The following UPP2 variants were observed in gnomAD, a reference collection of about 807,000 sequenced individuals.
UPP2 encodes the protein uridine phosphorylase 2, also known as UPase 2.
A neutral mutation model predicts 26.7 loss-of-function variants in UPP2; 23 were observed. That is an observed-to-expected ratio of 0.86 (90% CI 0.62 to 1.22). The LOEUF (loss-of-function observed/expected upper bound fraction) is 1.22, where lower values mean the gene tolerates loss of function less well. Ranked by LOEUF, UPP2 falls within the 50% of genes most tolerant of loss-of-function variation. UPP2 has a pLI of 0.00. For missense variants in UPP2, 387 were observed against 396.7 expected (o/e 0.98, Z 0.21); for synonymous variants, 127 against 141.3 (o/e 0.90, Z 0.72).
rs999808411 is a variant in UPP2, at chr2:158,004,540, G to C, written c.61+9281G>C. ...TTCAGTCTGTGAACAAACCCCTACA[G>C]GTCTGCTGCGACCAGTCACTATTCA... On this transcript the variant is annotated intron_variant, in intron 2 of 9. Transcript: ENST00000605860. Among the ~76,000 whole-genome samples, 26 of 152,150 alleles carry C rather than the reference G, an allele frequency of 1.7e-4. 1 individual carries two copies. Among genetic ancestry groups the C allele is most frequent in the Non-Finnish European group, 2.8e-4 (19 of 68,030 alleles).
chr2:158,073,032 G>A (rs1441304314), intron 3 of UPP2, among the ~76,000 whole-genome samples: 1 of 152,096 alleles, frequency 6.6e-6, no homozygotes, highest in African/African-American at 2.4e-5. Flanking sequence ...TGATCTTTCA[G>A]ACAGAGAATT....
chr2:157,999,722 T>C (rs972073310), intron 2 of UPP2, among the ~76,000 whole-genome samples: 1 of 152,202 alleles, frequency 6.6e-6, no homozygotes, highest in African/African-American at 2.4e-5. Context: ...CCTGACTCTA[T>C]GTAGGCCTGC....
intron 3 of UPP2, among the ~76,000 whole-genome samples, chr2:158,032,231 A>C (rs1436075376): frequency 6.6e-6 from 1 of 152,192 alleles, no homozygotes; most frequent in Non-Finnish European, 1.5e-5. Context: ...AATAAAACTT[A>C]TAGCTATTCA....
At chr2:158,044,861 A>G (rs969399310) in intron 3 of UPP2, among the ~76,000 whole-genome samples, 16 of 152,256 alleles carry the variant, frequency 1.1e-4, no homozygotes, top group South Asian at 2.1e-4. Context: ...TCACAGCCTT[A>G]ACTCCGCTCC....
chr2:158,133,978 A>G (rs1195325645), intron 6 of UPP2: 3 of 152,266 alleles, frequency 2.0e-5, no homozygotes, highest in South Asian at 2.1e-4. Context: ...AAGAATTCAT[A>G]TGGAACTCAA....
At chr2:158,070,372 G>A (rs74502569) in intron 3 of UPP2, among the ~76,000 whole-genome samples, 3,559 of 152,280 alleles carry the variant, frequency 0.023, 120 homozygotes, top group African/African-American at 0.072. Context: ...AATCAGAGAC[G>A]TGTTTCTATC....
At chr2:158,069,311 A>T (rs112512090) in intron 3 of UPP2, among the ~76,000 whole-genome samples, 4,104 of 152,258 alleles carry the variant, frequency 0.027, 187 homozygotes, top group African/African-American at 0.093. Flanking sequence ...TTTAGTTTTC[A>T]GTTGTCAGCT....
At chr2:158,091,758 C>T (rs1036491959) in intron 3 of UPP2, among the ~76,000 whole-genome samples, 1 of 152,192 alleles carries the variant, frequency 6.6e-6, no homozygotes, top group Non-Finnish European at 1.5e-5. Flanking sequence ...TTACATGCTT[C>T]TCTTCCTCCA....
chr2:158,073,505 C>G (rs561902693), intron 3 of UPP2, among the ~76,000 whole-genome samples: 13 of 152,202 alleles, frequency 8.5e-5, no homozygotes, highest in Non-Finnish European at 1.3e-4. Flanking sequence ...GAACACCAAG[C>G]AGATTTAACT....
intron 3 of UPP2, among the ~76,000 whole-genome samples, chr2:158,093,430 A>T (rs1463136959): frequency 6.6e-6 from 1 of 152,158 alleles, no homozygotes; most frequent in Non-Finnish European, 1.5e-5. Flanking sequence ...TACCTGATAC[A>T]CTCCTAAAAC....
rs750193147 is a variant in UPP2, at chr2:158,123,831, T to C, written c.747T>C (p.Gly249=). The C allele has an allele frequency of 1.1e-5, 17 of 1,614,060 alleles. No homozygotes were observed. The highest frequency in any genetic ancestry group is 1.2e-5 in the Non-Finnish European group (14 of 1,179,934). ...ACTTGAAGAGAGCATTTAAAGCTGGTGTCAGGAATATTGAAATGGAATCTA... is the reference window on the plus strand; with the variant it reads ...ACTTGAAGAGAGCATTTAAAGCTGGCGTCAGGAATATTGAAATGGAATCTA... ...LDYLKRAFKA[G]VRNIEMESTV... The change falls in exon 6 of 7, where the codon GGT becomes GGC. Residue 249 remains glycine, a synonymous_variant. Transcript: ENST00000005756.
chr2:158,127,234 A>G (rs1191340480), intron 6 of UPP2, among the ~76,000 whole-genome samples: 1 of 152,208 alleles, frequency 6.6e-6, no homozygotes, highest in Non-Finnish European at 1.5e-5. Flanking sequence ...GTGTCATTCT[A>G]TTTCATTTAT....
intron 2 of UPP2, among the ~76,000 whole-genome samples, chr2:158,006,334 T>C (rs762830457): frequency 4.6e-5 from 7 of 151,458 alleles, no homozygotes; most frequent in Non-Finnish European, 1.0e-4. Context: ...CCGGGCGTGG[T>C]GGTGGGCGCC....
intron 3 of UPP2, among the ~76,000 whole-genome samples, chr2:158,016,152 T>TG (rs929540872): frequency 6.6e-6 from 1 of 151,906 alleles, no homozygotes; most frequent in African/African-American, 2.4e-5. Flanking sequence ...ACAGATTTTT[T>TG]TTTTAAATTA....
chr2:157,995,657 A>G (rs1458871120), intron 2 of UPP2, among the ~76,000 whole-genome samples: 1 of 152,192 alleles, frequency 6.6e-6, no homozygotes, highest in African/African-American at 2.4e-5. Context: ...TTGAAAATAC[A>G]AAAAGAAAGA....
At chr2:158,085,342 A>T (rs922586527) in intron 3 of UPP2, among the ~76,000 whole-genome samples, 21 of 152,134 alleles carry the variant, frequency 1.4e-4, no homozygotes, top group Admixed American at 1.1e-3. Flanking sequence ...ATTTTCATAC[A>T]TTAATTTTGT....
At chr2:158,051,124 T>TA (rs560796731) in intron 3 of UPP2, among the ~76,000 whole-genome samples, 8 of 147,758 alleles carry the variant, frequency 5.4e-5, no homozygotes, top group East Asian at 4.0e-4. Context: ...CCATAAAAAT[T>TA]AAAAAAAAAT....
chr2:158,097,751 T>G (rs1425196964), upstream of UPP2, among the ~76,000 whole-genome samples: 1 of 152,136 alleles, frequency 6.6e-6, no homozygotes, highest in African/African-American at 2.4e-5. Flanking sequence ...AGAACAGCAG[T>G]GCATTTTGAC....
At chr2:158,132,140 T>C (rs1683831894) in intron 6 of UPP2, among the ~76,000 whole-genome samples, 1 of 152,242 alleles carries the variant, frequency 6.6e-6, no homozygotes, top group Admixed American at 6.5e-5. Context: ...TCCATTTGCT[T>C]GTTTACCTGT....
Sources: allele counts gnomAD v4.1 joint callset (sites outside exome capture counted in the v4.1 genomes callset), GRCh38; gene constraint gnomAD v4.1.1; transcripts MANE v1.5; gene names NCBI Gene and HGNC (gene_info 2026-07-23, HGNC 2026-07-21).